SRRD: variants seen among roughly 807,000 people sequenced by gnomAD.
The protein encoded by SRRD is SRR1-like protein.
A neutral mutation model predicts 30.7 loss-of-function variants in SRRD; 28 were observed. The ratio of observed to expected loss-of-function variants is 0.91; its 90% confidence interval spans 0.68 to 1.25. The LOEUF is 1.25. SRRD is among the 50% of genes most tolerant of loss of function. The pLI is 0.00. For synonymous variants in SRRD, 161 were observed against 159.6 expected, an observed-to-expected ratio of 1.01 and a Z score of -0.07; for missense variants, 415 against 417.3, an observed-to-expected ratio of 0.99 and a Z score of 0.05.
At position 26,491,826 on chromosome 22, in the gene SRRD, T is replaced by C; in HGVS notation, c.*154T>C. On this transcript the variant is annotated 3_prime_UTR_variant, in exon 7 of 7. Coordinates refer to ENST00000215917, the MANE Select transcript of SRRD (RefSeq NM_001013694.3). ...TGAGGACGATACCCCACATGAGGAC[T>C]TGGTATAAAGATTCCTGCCCTACGT... The C allele has an allele frequency of 1.1e-6, 1 of 919,512 alleles. No individual in the cohort carries two copies. The highest frequency in any genetic ancestry group is 2.6e-5 in the East Asian group (1 of 38,012). 57.0% of individuals were successfully genotyped at this position (919,512 alleles called of 1,614,324 possible). A position where few individuals can be genotyped will look rare whatever the true frequency, so the allele number is the denominator to read the frequency against.
chr22:26,494,631 A>G lies in SRRD; in HGVS notation c.*2959A>G, dbSNP rs1351094911. ...TGGAACAGCTTCTGATACATGGCAA[A>G]TGTCCAATAAATGGTGCCCACTATG... On this transcript the variant is annotated 3_prime_UTR_variant, in exon 7 of 7. Transcript: ENST00000215917. 1 of 992,712 alleles carries G rather than the reference A, an allele frequency of 1.0e-6. No homozygotes were observed. Among genetic ancestry groups the G allele is most frequent in the Non-Finnish European group, 1.5e-6 (1 of 686,204 alleles). 61.5% of individuals were successfully genotyped at this position (992,712 alleles called of 1,614,324 possible).
rs1203196397 is a variant in SRRD at position 26,488,232 on chromosome 22, T to C, written c.454T>C (p.Cys152Arg). 5.6e-6 allele frequency: 9 copies of C among 1,614,228 alleles called. No homozygotes were observed. Among genetic ancestry groups the C allele is most frequent in the Non-Finnish European group, 7.6e-6 (9 of 1,180,038 alleles). Reference protein sequence around the residue: ...VCYGIGNFATCIVARNQLTFL... With the variant: ...VCYGIGNFATRIVARNQLTFL... ...TTACGGCATTGGGAACTTTGCCACC[T>C]GCATCGTAGCTAGAAACCAGCTAAC... Residue 152 changes from cysteine (C) to arginine (R), a missense_variant, in exon 3 of 7, where the codon TGC becomes CGC. By Grantham distance (180) the Cys-to-Arg change is radical. Transcript: ENST00000215917.
In SRRD at chr22:26,494,441, C is replaced by A; in HGVS notation, c.*2769C>A. 1 of 1,022,288 alleles carries A rather than the reference C, an allele frequency of 9.8e-7. No homozygotes were observed. Among genetic ancestry groups the A allele is most frequent in the South Asian group, 1.5e-5 (1 of 67,396 alleles). The allele number at this position is 1,022,288 out of a possible 1,614,324, so 63.3% of individuals were successfully genotyped here. A position where few individuals can be genotyped will look rare whatever the true frequency, so the allele number is the denominator to read the frequency against. ...TTTACAGGGATTTATAGTAGCTAAA[C>A]AGTCTAGCACTTATGAATATGGATT... On this transcript the variant is annotated 3_prime_UTR_variant, in exon 7 of 7. Transcript: ENST00000215917.
At chr22:26,484,161 T>C in intron 1 of SRRD, 62 bp downstream of exon 1, 1 of 1,467,474 alleles carries the variant, frequency 6.8e-7, no homozygotes, top group Non-Finnish European at 9.2e-7. Flanking sequence ...AGCCACAGTC[T>C]CCCCATCTGT....
At position 26,491,666 on chromosome 22, in the gene SRRD, T is replaced by C; in HGVS notation, c.1014T>C (p.Thr338=). ...ACAAGAGAGAAGATCCTTCTGCTAC[T>C]GACTGAACTCGTTGTGAGGTACTCA... The part of the protein sequence containing the change: ...IRNKREDPSA[T]D The change falls in exon 7 of 7, where the codon ACT becomes ACC. Residue 338 remains threonine (T), a synonymous_variant. Transcript: ENST00000215917. 3 of 1,609,782 alleles carry C rather than the reference T, an allele frequency of 1.9e-6. No individual in the cohort carries two copies. The highest frequency in any genetic ancestry group is 1.7e-6 in the Non-Finnish European group (2 of 1,179,956).
rs1422196540 is a variant in SRRD at position 26,484,037 on chromosome 22, G to GGGGAGAGA, written c.149_150insGAGAGAGG (p.Pro51ArgfsTer36). The GGGGAGAGA allele has an allele frequency of 3.3e-4, 488 of 1,459,320 alleles. 3 individuals are homozygous for GGGGAGAGA. The highest frequency in any genetic ancestry group is 5.7e-5 in the Non-Finnish European group (63 of 1,111,878). 90.4% of individuals were successfully genotyped at this position (1,459,320 alleles called of 1,614,324 possible). The stretch of plus-strand genomic sequence containing the variant: ...CCCGGGGGAGAGAGGCGGCGCCCCG[G>GGGGAGAGA]GGCCCCGAGGCGGAGTTCGAGTCTG... On this transcript the variant is annotated frameshift_variant, in exon 1 of 7. Coordinates refer to ENST00000215917, the MANE Select transcript of SRRD (RefSeq NM_001013694.3). LOFTEE classifies it high-confidence loss of function.
intron 6 of SRRD, 59 bp from the exon 7 acceptor site, chr22:26,491,404 A>T (rs1007740183): frequency 7.6e-7 from 1 of 1,310,508 alleles, no homozygotes; most frequent in Admixed American, 2.0e-5. Flanking sequence ...AATTTATCCC[A>T]GAAGAGTGGG....
chr22:26,484,475 C>T (rs1418661510), intron 1 of SRRD, among the ~76,000 whole-genome samples: 4 of 152,132 alleles, frequency 2.6e-5, no homozygotes, highest in Non-Finnish European at 5.9e-5. Context: ...TAATATTATG[C>T]CGATGTTGAT....
Position 26,494,586 on chromosome 22 carries a change from G to T in SRRD, c.*2914G>T. ...CCATAGGGTTGCTGAGAGGAGCTGA[G>T]ATAAAGCAAATAAAGTGCTTGGAAC... On this transcript the variant is annotated 3_prime_UTR_variant, in exon 7 of 7. Coordinates refer to ENST00000215917, the MANE Select transcript of SRRD (RefSeq NM_001013694.3). 1 of 768,824 alleles carries T rather than the reference G, an allele frequency of 1.3e-6. No homozygotes were observed. The highest frequency in any genetic ancestry group is 2.0e-6 in the Non-Finnish European group (1 of 489,596). The allele number at this position is 768,824 out of a possible 1,614,324, so 47.6% of individuals were successfully genotyped here. A position where few individuals can be genotyped will look rare whatever the true frequency, so the allele number is the denominator to read the frequency against.
rs184192461 is a variant in SRRD at position 26,490,300 on chromosome 22, G to A, written c.764+102G>A. The stretch of plus-strand genomic sequence containing the variant: ...CATTTCCTTGACGATTCCATACTGG[G>A]GAAATGCTTTTCCACAGGGAACTGG... On this transcript the variant is annotated intron_variant, in intron 5 of 6. Transcript: ENST00000215917. The A allele has an allele frequency of 3.9e-4, 516 of 1,330,754 alleles. 1 individual carries two copies. In the East Asian group the frequency reaches 0.011, roughly 29 times the overall value. 82.4% of individuals were successfully genotyped at this position (1,330,754 alleles called of 1,614,324 possible). A position where few individuals can be genotyped will look rare whatever the true frequency, so the allele number is the denominator to read the frequency against.
At position 26,492,202 on chromosome 22, in the gene SRRD, G is replaced by A. The variant is rs777063374; in HGVS notation, c.*530G>A. On this transcript the variant is annotated 3_prime_UTR_variant, in exon 7 of 7. Coordinates refer to ENST00000215917, the MANE Select transcript of SRRD (RefSeq NM_001013694.3). ...GCTCCTCAGCCTTGGTCTCAATGAG[G>A]TCCTTAAAGTTCATGGGCACAGAGC... 9.9e-6 allele frequency: 16 copies of A among 1,614,112 alleles called. No homozygotes were observed. The highest frequency in any genetic ancestry group is 9.9e-5 in the South Asian group (9 of 91,090).
Position 26,493,337 on chromosome 22 carries a change from A to G in SRRD, c.*1665A>G, listed in dbSNP as rs1003074265. 5.9e-5 allele frequency: 9 copies of G among 152,246 alleles called. No individual in the cohort carries two copies. The highest frequency in any genetic ancestry group is 1.3e-4 in the Non-Finnish European group (9 of 68,060). The allele number at this position is 152,246 out of a possible 1,614,324, so 9.4% of individuals were successfully genotyped here. On this transcript the variant is annotated 3_prime_UTR_variant, in exon 7 of 7. Coordinates refer to ENST00000215917, the MANE Select transcript of SRRD (RefSeq NM_001013694.3). Reference sequence around the variant, plus strand: ...CACCGTGCCTGGCCTAGGCTATTAAATAACAAGAATTAAAGACTCAGGAAA... The same window carrying G: ...CACCGTGCCTGGCCTAGGCTATTAAGTAACAAGAATTAAAGACTCAGGAAA...
chr22:26,494,055 C>CAG lies in SRRD; in HGVS notation c.*2385_*2386dup, dbSNP rs1921594628. 1.3e-6 allele frequency: 2 copies of CAG among 1,521,182 alleles called. No individual in the cohort carries two copies. The highest frequency in any genetic ancestry group is 1.8e-6 in the Non-Finnish European group (2 of 1,116,646). 94.2% of individuals were successfully genotyped at this position (1,521,182 alleles called of 1,614,324 possible). A position where few individuals can be genotyped will look rare whatever the true frequency, so the allele number is the denominator to read the frequency against. ...TAAGGTTTAGGCTGCCTACAGGAAC[C>CAG]AGAAAACTCTGATTCTGTGTCATTT... On this transcript the variant is annotated 3_prime_UTR_variant, in exon 7 of 7. Coordinates refer to ENST00000215917, the MANE Select transcript of SRRD (RefSeq NM_001013694.3).
chr22:26,485,081 AG>A (rs1422517869), intron 1 of SRRD, among the ~76,000 whole-genome samples: 2 of 152,194 alleles, frequency 1.3e-5, no homozygotes, highest in Non-Finnish European at 2.9e-5. Context: ...AAGCTCTCAG[AG>A]GATGCCAGTG....
chr22:26,489,466 C>T (rs1425038083), intron 4 of SRRD, among the ~76,000 whole-genome samples: 1 of 151,974 alleles, frequency 6.6e-6, no homozygotes, highest in Non-Finnish European at 1.5e-5. Flanking sequence ...GGTAGCTGTG[C>T]AGTGCTGGCT....
intron 4 of SRRD, among the ~76,000 whole-genome samples, chr22:26,489,827 A>C (rs531288760): frequency 6.6e-6 from 1 of 152,290 alleles, no homozygotes; most frequent in East Asian, 1.9e-4. Context: ...TACATTTGTT[A>C]AGTAAACATG....
At chr22:26,486,895 T>C (rs2091712474) in intron 2 of SRRD, among the ~76,000 whole-genome samples, 1 of 152,068 alleles carries the variant, frequency 6.6e-6, no homozygotes, top group Non-Finnish European at 1.5e-5. Flanking sequence ...TGGGGTCTTG[T>C]TTAAAGATGT....
chr22:26,484,234 G>C (rs2091638867), intron 1 of SRRD, 135 bp downstream of exon 1: 1 of 979,662 alleles, frequency 1.0e-6, no homozygotes, highest in Non-Finnish European at 1.5e-6. Context: ...TAGGTAACGA[G>C]CTCATTAAAG....
intron 5 of SRRD, among the ~76,000 whole-genome samples, chr22:26,490,415 T>C (rs1013646184): frequency 6.6e-6 from 1 of 152,142 alleles, no homozygotes; most frequent in Non-Finnish European, 1.5e-5. Context: ...CCTTCCATTA[T>C]GATACACAGA....
Sources: gnomAD v4.1 joint callset for allele counts (sites outside exome capture counted in the v4.1 genomes callset) on GRCh38, gnomAD v4.1.1 for gene constraint, MANE v1.5 for transcripts, NCBI Gene and HGNC (gene_info 2026-07-23, HGNC 2026-07-21) for gene names.